ZSCAN29: variants seen among roughly 807,000 people sequenced by gnomAD.
ZSCAN29 encodes zinc finger and SCAN domain containing 29, also known as zinc finger and SCAN domain-containing protein 29.
A neutral mutation model predicts 71.9 loss-of-function variants in ZSCAN29; 55 were observed. The observed-to-expected ratio is 0.76, with a 90% confidence interval of 0.62 to 0.96. ZSCAN29 has a LOEUF of 0.96. Ranked by LOEUF, ZSCAN29 falls within the 40% of genes least tolerant of loss-of-function variation. The pLI, the probability that ZSCAN29 is intolerant of heterozygous loss-of-function variation, is 0.00. For missense variants in ZSCAN29, 1,042 were observed against 1,042.2 expected, an observed-to-expected ratio of 1.00 and a Z score of 0.00; for synonymous variants, 351 against 371.6, an observed-to-expected ratio of 0.94 and a Z score of 0.64.
intron 5 of ZSCAN29, 131 bp from the exon 6 acceptor site, chr15:43,362,072 A>G: frequency 2.3e-6 from 2 of 856,802 alleles, no homozygotes; most frequent in Non-Finnish European, 3.5e-6. Flanking sequence ...CCAAATAACT[A>G]CCATTATCTT....
rs2043993921 is a variant in ZSCAN29 at position 43,362,704 on chromosome 15, AG to A, written c.1691-764del. ...TGAGATATTTCATGAAATATTCACT[AG>A]ATTAAATAAATCTTAGAACCTTAAA... is the stretch of plus-strand genomic sequence containing the variant. On this transcript the variant is annotated intron_variant, in intron 5 of 5. Transcript: ENST00000684362. Among the ~76,000 whole-genome samples the A allele has an allele frequency of 2.0e-5, 3 of 152,340 alleles. No homozygotes were observed. The South Asian group carries it at 6.2e-4, about 32-fold the overall frequency.
intron 3 of ZSCAN29, 118 bp downstream of exon 3, chr15:43,368,805 C>T: frequency 2.1e-6 from 2 of 932,942 alleles, no homozygotes; most frequent in Non-Finnish European, 3.2e-6. Context: ...TACATGTCAA[C>T]AACCACATAT....
chr15:43,369,780 C>A lies in ZSCAN29; in HGVS notation c.134G>T (p.Arg45Leu), dbSNP rs763463071. ...AFSQLWELCC[R>L]WLRPEVRTKE... ...GGTGCGCACCTCCGGCCTTAGCCAC[C>A]GACAGCAAAGTTCCCAGAGTTGGCT... Residue 45 changes from arginine to leucine, a missense_variant, in exon 2 of 6, where the codon CGG (arginine) becomes CTG (leucine). By Grantham distance (102) the Arg-to-Leu change is moderately radical. Coordinates refer to ENST00000684362, the MANE Select transcript of ZSCAN29 (RefSeq NM_001372080.1). 1 of 1,614,124 alleles carries A rather than the reference C, an allele frequency of 6.2e-7. No homozygotes were observed. The highest frequency in any genetic ancestry group is 8.5e-7 in the Non-Finnish European group (1 of 1,180,052).
rs757414806 is a variant in ZSCAN29 at position 43,369,094 on chromosome 15, A to C, written c.352T>G (p.Leu118Val). The stretch of plus-strand genomic sequence containing the variant: ...GATTTCGGGGGTGTCATCTTCTCCA[A>C]GCGCACTTCCTGCCCCTTCACAGAG... ...TVSVKGQEVR[L>V]EKMTPPKSSQ... Residue 118 changes from leucine to valine, a missense_variant, in exon 3 of 6, where the codon TTG becomes GTG. Coordinates refer to ENST00000684362, the MANE Select transcript of ZSCAN29 (RefSeq NM_001372080.1). The C allele has an allele frequency of 6.3e-7, 1 of 1,595,808 alleles. No homozygotes were observed. The highest frequency in any genetic ancestry group is 1.3e-5 in the African/African-American group (1 of 74,478).
rs2043970364 is a variant in ZSCAN29, at chr15:43,360,784, T to C, written c.*289A>G. ...ATCAAATTCATAGGATCTATTACCT[T>C]GTCCTCTGTGCTTATATTAAGGGAA... On this transcript the variant is annotated 3_prime_UTR_variant, in exon 6 of 6. Coordinates refer to ENST00000684362, the MANE Select transcript of ZSCAN29 (RefSeq NM_001372080.1). 8.6e-6 allele frequency: 3 copies of C among 348,910 alleles called. No homozygotes were observed. Among genetic ancestry groups the C allele is most frequent in the South Asian group, 6.7e-5 (1 of 15,036 alleles). 21.6% of individuals were successfully genotyped at this position (348,910 alleles called of 1,614,324 possible). A position where few individuals can be genotyped will look rare whatever the true frequency, so the allele number is the denominator to read the frequency against.
rs755273991 is a variant in ZSCAN29 at position 43,369,804 on chromosome 15, C to A, written c.110G>T (p.Ser37Ile). Residue 37 changes from serine (S) to isoleucine (I), a missense_variant, in exon 2 of 6, where the codon AGC (serine) becomes ATC (isoleucine). Ser to Ile is a moderately radical substitution (Grantham distance 142). Coordinates refer to ENST00000684362, the MANE Select transcript of ZSCAN29 (RefSeq NM_001372080.1). Reference protein sequence around the residue: ...QEVAGPREAFSQLWELCCRWL... With the variant: ...QEVAGPREAFIQLWELCCRWL... ...CCGACAGCAAAGTTCCCAGAGTTGG[C>A]TGAAAGCCTCCCGCGGCCCAGCCAC... The A allele has an allele frequency of 1.6e-5, 26 of 1,614,132 alleles. No individual in the cohort carries two copies. In the East Asian group the frequency reaches 5.3e-4, roughly 33 times the overall value.
chr15:43,363,983 T>C lies in ZSCAN29; in HGVS notation c.1622A>G (p.Glu541Gly), dbSNP rs761663803. 3.4e-5 allele frequency: 55 copies of C among 1,614,012 alleles called. No homozygotes were observed. Among genetic ancestry groups the C allele is most frequent in the Non-Finnish European group, 4.4e-5 (52 of 1,180,016 alleles). The change falls in exon 5 of 6, where the codon GAA becomes GGA. Residue 541 changes from glutamate to glycine, a missense_variant. Transcript: ENST00000684362. ...EATEEDSDDD[E>G]EDTEIPPGAV... is the part of the protein sequence containing the mutation. ...CCCTGGGGGTATCTCAGTATCCTCT[T>C]CATCATCATCAGAATCTTCCTCTGT...
In ZSCAN29 at chr15:43,364,534, T is replaced by C. The variant is rs746051270; in HGVS notation, c.1223-152A>G. ...CTTCATGTTTCCAAAATCCACAAACTCAGTATAGAATGTTTTGCTTCTTTA... is the reference window on the plus strand; with the variant it reads ...CTTCATGTTTCCAAAATCCACAAACCCAGTATAGAATGTTTTGCTTCTTTA... On this transcript the variant is annotated intron_variant, in intron 4 of 5. Coordinates refer to ENST00000684362, the MANE Select transcript of ZSCAN29 (RefSeq NM_001372080.1). 7 of 763,246 alleles carry C rather than the reference T, an allele frequency of 9.2e-6. No individual in the cohort carries two copies. The South Asian group carries it at 1.0e-4, about 11-fold the overall frequency. The allele number at this position is 763,246 out of a possible 1,614,324, so 47.3% of individuals were successfully genotyped here.
At chr15:43,363,892 C>T in intron 5 of ZSCAN29, 23 bp downstream of exon 5, 1 of 1,556,274 alleles carries the variant, frequency 6.4e-7, no homozygotes, top group Non-Finnish European at 8.7e-7. Flanking sequence ...GTTATTTATA[C>T]CATAATAGTG....
chr15:43,363,947 GT>G lies in ZSCAN29; in HGVS notation c.1657del (p.Thr553ProfsTer76), dbSNP rs764882023. On this transcript the variant is annotated frameshift_variant, in exon 5 of 6. Coordinates refer to ENST00000684362, the MANE Select transcript of ZSCAN29 (RefSeq NM_001372080.1). LOFTEE classifies it high-confidence loss of function. ...GCTTTGGAATAACACTGGAGCACGG[GT>G]TATGACAGCCCCTGGGGGTATCTCA... is the stretch of plus-strand genomic sequence containing the variant. ...DTEIPPGAVITRAPVLFQSPR... is the reference protein window; with the variant it reads ...DTEIPPGAVIXRAPVLFQSPR... The G allele has an allele frequency of 6.2e-7, 1 of 1,612,264 alleles. No homozygotes were observed. The highest frequency in any genetic ancestry group is 1.1e-5 in the South Asian group (1 of 91,014).
Position 43,361,056 on chromosome 15 carries a change from T to C in ZSCAN29, c.*17A>G. 6.4e-7 allele frequency: 1 copy of C among 1,560,856 alleles called. No individual in the cohort carries two copies. The highest frequency in any genetic ancestry group is 8.7e-7 in the Non-Finnish European group (1 of 1,153,556). On this transcript the variant is annotated 3_prime_UTR_variant, in exon 6 of 6. Transcript: ENST00000684362. The stretch of plus-strand genomic sequence containing the variant: ...ATACATTTATTGAGCCTCTTTCCGT[T>C]ATATATCCTCAGGGGCTTACTTGGG...
rs1222887582 is a variant in ZSCAN29 at position 43,359,913 on chromosome 15, G to T, written c.*1160C>A. ...TAAGAACACCTGTTCTTGACAAGAT[G>T]ATTCATAGGGCAGAACCAAGATGGA... On this transcript the variant is annotated 3_prime_UTR_variant, in exon 6 of 6. Transcript: ENST00000684362. The T allele has an allele frequency of 6.6e-6, 1 of 152,232 alleles. No homozygotes were observed. Among genetic ancestry groups the T allele is most frequent in the Non-Finnish European group, 1.5e-5 (1 of 68,044 alleles). 9.4% of individuals were successfully genotyped at this position (152,232 alleles called of 1,614,324 possible).
Position 43,364,119 on chromosome 15 carries a change from C to G in ZSCAN29, c.1486G>C (p.Val496Leu). ...TCATTGGGTGGGGCAGCAACCCGGACACTCACCAAAGCATCCATCTCTTCA... is the reference window on the plus strand; with the variant it reads ...TCATTGGGTGGGGCAGCAACCCGGAGACTCACCAAAGCATCCATCTCTTCA... ...FFEEMDALVSVRVAAPPNDGQ... is the reference protein window; with the variant it reads ...FFEEMDALVSLRVAAPPNDGQ... The change falls in exon 5 of 6, where the codon GTC (valine) becomes CTC (leucine). Residue 496 changes from valine (V) to leucine (L), a missense_variant. By Grantham distance (32) the Val-to-Leu change is conservative. Transcript: ENST00000684362. 3 of 1,614,156 alleles carry G rather than the reference C, an allele frequency of 1.9e-6. No homozygotes were observed. The highest frequency in any genetic ancestry group is 3.3e-4 in the Middle Eastern group (2 of 6,062).
Position 43,363,896 on chromosome 15 carries a change from A to G in ZSCAN29, c.1690+19T>C. On this transcript the variant is annotated intron_variant, in intron 5 of 5. Coordinates refer to ENST00000684362, the MANE Select transcript of ZSCAN29 (RefSeq NM_001372080.1). ...GTCTTCCCTTTGTTATTTATACCAT[A>G]ATAGTGAAATAATCTTACCACGGGG... is the stretch of plus-strand genomic sequence containing the variant. 2 of 1,561,622 alleles carry G rather than the reference A, an allele frequency of 1.3e-6. No individual in the cohort carries two copies. Among genetic ancestry groups the G allele is most frequent in the Non-Finnish European group, 1.7e-6 (2 of 1,152,360 alleles).
chr15:43,366,785 C>A lies in ZSCAN29; in HGVS notation c.547G>T (p.Val183Leu). 6.2e-7 allele frequency: 1 copy of A among 1,611,548 alleles called. No homozygotes were observed. Among genetic ancestry groups the A allele is most frequent in the African/African-American group, 1.3e-5 (1 of 74,820 alleles). ...RSGLPFPKSGVVSRLEQGEPW... is the reference protein window; with the variant it reads ...RSGLPFPKSGLVSRLEQGEPW... ...TCTCCTTGCTCCAACCTGGAGACCA[C>A]ACCGGATTTAGGAAATGGCAATCCT... The change falls in exon 4 of 6, where the codon GTG (valine) becomes TTG (leucine). Residue 183 changes from valine to leucine, a missense_variant. Physicochemically the swap from Val to Leu is conservative, Grantham distance 32. Transcript: ENST00000684362.
Position 43,366,514 on chromosome 15 carries a change from T to C in ZSCAN29, c.818A>G (p.His273Arg). ...AGCCCCATACACTTGGCTGTTCCTA[T>C]GGCAGTTTCTGAGAGCCTCATAAAA... ...TEFYEALRNC[H>R]RNSQVYGAVA... Residue 273 changes from histidine (H) to arginine (R), a missense_variant, in exon 4 of 6, where the codon CAT becomes CGT. Coordinates refer to ENST00000684362, the MANE Select transcript of ZSCAN29 (RefSeq NM_001372080.1). 1 of 1,614,238 alleles carries C rather than the reference T, an allele frequency of 6.2e-7. No individual in the cohort carries two copies. Among genetic ancestry groups the C allele is most frequent in the Non-Finnish European group, 8.5e-7 (1 of 1,180,044 alleles).
In ZSCAN29 at chr15:43,361,401, T is replaced by C. The variant is rs1227593639; in HGVS notation, c.2231A>G (p.Asn744Ser). Residue 744 changes from asparagine to serine, a missense_variant, in exon 6 of 6, where the codon AAT (asparagine) becomes AGT (serine). Physicochemically the swap from Asn to Ser is conservative, Grantham distance 46. Transcript: ENST00000684362. Reference sequence around the variant, plus strand: ...GTGAATGATAAGGCTTGAGCTCTGATTGAAGCATTTCCCACACTCACCACA... The same window carrying C: ...GTGAATGATAAGGCTTGAGCTCTGACTGAAGCATTTCCCACACTCACCACA... ...YQCGECGKCF[N>S]QSSSLIIHQR... The C allele has an allele frequency of 1.9e-6, 3 of 1,613,812 alleles. No individual in the cohort carries two copies. Among genetic ancestry groups the C allele is most frequent in the South Asian group, 1.1e-5 (1 of 91,054 alleles).
At position 43,361,837 on chromosome 15, in the gene ZSCAN29, G is replaced by A. The variant is rs192532525; in HGVS notation, c.1795C>T (p.Arg599Trp). ...LLARSERKIPRYLHQGKGNES... is the reference protein window; with the variant it reads ...LLARSERKIPWYLHQGKGNES... ...TTGCCTTTACCCTGATGAAGATACC[G>A]GGGAATTTTCCTTTCAGATCTTGCA... Residue 599 changes from arginine (R) to tryptophan (W), a missense_variant, in exon 6 of 6, where the codon CGG (arginine) becomes TGG (tryptophan). Transcript: ENST00000684362. The A allele has an allele frequency of 3.5e-5, 57 of 1,614,064 alleles. No individual in the cohort carries two copies. The African/African-American group carries it at 3.6e-4, about 10-fold the overall frequency.
chr15:43,365,160 TGTA>T lies in ZSCAN29; in HGVS notation c.1223-781_1223-779del, dbSNP rs565299719. On this transcript the variant is annotated intron_variant, in intron 4 of 5. Transcript: ENST00000684362. ...CACAAAGGAACTGCAACTTTAGCGA[TGTA>T]GTCCTCCTGCTTTGCCCCATTTTAC... Among the ~76,000 whole-genome samples the T allele has an allele frequency of 7.8e-4, 119 of 152,260 alleles. No homozygotes were observed. The South Asian group carries it at 0.024, about 31-fold the overall frequency.
Sources: gnomAD v4.1 joint callset for allele counts (sites outside exome capture counted in the v4.1 genomes callset) on GRCh38, gnomAD v4.1.1 for gene constraint, MANE v1.5 for transcripts, NCBI Gene and HGNC (gene_info 2026-07-23, HGNC 2026-07-21) for gene names.